The following DNAH8 variants were observed in gnomAD, a reference collection of about 807,000 sequenced individuals.
DNAH8 encodes axonemal beta dynein heavy chain 8.
Under a neutral mutation model 562.1 loss-of-function variants are expected in DNAH8, and 382 were observed. The ratio of observed to expected loss-of-function variants is 0.68; its 90% CI spans 0.63 to 0.74. The LOEUF is 0.74. Ranked by LOEUF, DNAH8 falls within the 30% of genes least tolerant of loss-of-function variation. The probability of loss-of-function intolerance (pLI) is 0.00; values close to 1 mark genes in which losing one functional copy is unlikely to be tolerated. For missense variants in DNAH8, 5,203 were observed against 5,620.4 expected (o/e 0.93, Z 2.37); for synonymous variants, 1,881 against 1,919.4 (o/e 0.98, Z 0.52).
chr6:38,744,800 G>A (rs1187111243), intron 8 of DNAH8, among the ~76,000 whole-genome samples: 1 of 151,926 alleles, frequency 6.6e-6, no homozygotes, highest in African/African-American at 2.4e-5. Flanking sequence ...ATCTTACTGT[G>A]TTGCCCAGGC....
At position 38,729,023 on chromosome 6, in the gene DNAH8, C is replaced by T. The variant is rs147243024; in HGVS notation, c.526-879C>T. 2.5e-3 allele frequency among the ~76,000 whole-genome samples: 384 copies of T among 152,158 alleles called. 15 individuals are homozygous for T. The East Asian group carries it at 0.063, about 25-fold the overall frequency. On this transcript the variant is annotated intron_variant, in intron 3 of 92. Coordinates refer to ENST00000327475, the MANE Select transcript of DNAH8 (RefSeq NM_001206927.2). ...TTCAAGACCAGCCTGGCCAACATGG[C>T]GAAACCCCATCTTTACTAAAAATAC... is the stretch of plus-strand genomic sequence containing the variant.
intron 91 of DNAH8, 140 bp from the exon 92 acceptor site, chr6:39,026,406 C>A: frequency 1.3e-6 from 1 of 769,068 alleles, no homozygotes; most frequent in East Asian, 2.6e-5. Context: ...AAATGTCTCC[C>A]CTGGGGTTTG....
intron 3 of DNAH8, among the ~76,000 whole-genome samples, chr6:38,726,860 T>G (rs1174889669): frequency 2.8e-5 from 4 of 144,170 alleles, no homozygotes; most frequent in South Asian, 2.2e-4. Context: ...AGTTTTTTTT[T>G]TTTTTTTTTT....
chr6:38,722,904 AGGCCCCGCGCCCTCCGACAGT>A lies in DNAH8; in HGVS notation c.98_118del (p.Ala33_Val39del). On this transcript the variant is annotated inframe_deletion, in exon 2 of 93. Coordinates refer to ENST00000327475, the MANE Select transcript of DNAH8 (RefSeq NM_001206927.2). ...GCCCCTCCCCGTTCAGAAGAGGAAG[AGGCCCCGCGCCCTCCGACAGT>A]GGAGGCCCCGGCAGAAGATGGTTTC... 1 of 1,612,366 alleles carries A rather than the reference AGGCCCCGCGCCCTCCGACAGT, an allele frequency of 6.2e-7. No individual in the cohort carries two copies. Among genetic ancestry groups the A allele is most frequent in the South Asian group, 1.1e-5 (1 of 91,028 alleles).
rs762356544 is a variant in DNAH8, at chr6:38,852,726, T to C, written c.5499T>C (p.Asn1833=). 37 of 1,613,678 alleles carry C rather than the reference T, an allele frequency of 2.3e-5. No individual in the cohort carries two copies. The highest frequency in any genetic ancestry group is 3.0e-5 in the Non-Finnish European group (35 of 1,179,810). Residue 1833 remains asparagine (N), a synonymous_variant, in exon 40 of 93, where the codon AAT becomes AAC. Coordinates refer to ENST00000327475, the MANE Select transcript of DNAH8 (RefSeq NM_001206927.2). The part of the protein sequence containing the change: ...PHLPAVSDNI[N]EVTFHAKDYD... ...TCCCTGCAGTATCTGACAACATCAATGAGGTGACATTTCATGCAAAAGACT... is the reference window on the plus strand; with the variant it reads ...TCCCTGCAGTATCTGACAACATCAACGAGGTGACATTTCATGCAAAAGACT...
rs141243933 is a variant in DNAH8, at chr6:38,814,212, T to C, written c.3333+83T>C. On this transcript the variant is annotated intron_variant, in intron 25 of 92. Coordinates refer to ENST00000327475, the MANE Select transcript of DNAH8 (RefSeq NM_001206927.2). Reference sequence around the variant, plus strand: ...GAACTGAGCTTTCATTTAGGTAACATTTTGGTCCTATGTCTTTTTTCACTT... The same window carrying C: ...GAACTGAGCTTTCATTTAGGTAACACTTTGGTCCTATGTCTTTTTTCACTT... 34 of 802,010 alleles carry C rather than the reference T, an allele frequency of 4.2e-5. No homozygotes were observed. The East Asian group carries it at 7.7e-4, about 18-fold the overall frequency. The allele number at this position is 802,010 out of a possible 1,614,324, so 49.7% of individuals were successfully genotyped here. A position where few individuals can be genotyped will look rare whatever the true frequency, so the allele number is the denominator to read the frequency against.
At chr6:38,857,997 A>G (rs1035212801) in intron 42 of DNAH8, among the ~76,000 whole-genome samples, 2 of 152,228 alleles carry the variant, frequency 1.3e-5, no homozygotes, top group African/African-American at 4.8e-5. Context: ...AAACCAAATA[A>G]CCAGGAACAT....
chr6:38,759,055 C>A (rs949719702), intron 10 of DNAH8, among the ~76,000 whole-genome samples: 5 of 152,044 alleles, frequency 3.3e-5, no homozygotes, highest in African/African-American at 4.8e-5. Flanking sequence ...GTAATCCCAG[C>A]GCTTTGGGAG....
intron 88 of DNAH8, among the ~76,000 whole-genome samples, chr6:39,001,914 G>T (rs910747880): frequency 2.6e-5 from 4 of 151,944 alleles, no homozygotes; most frequent in Non-Finnish European, 5.9e-5. Context: ...TCACGGGGAG[G>T]GGATGCTGGA....
chr6:39,017,121 G>A lies in DNAH8; in HGVS notation c.13714+4484G>A, dbSNP rs903047725. On this transcript the variant is annotated intron_variant, in intron 91 of 92. Coordinates refer to ENST00000327475, the MANE Select transcript of DNAH8 (RefSeq NM_001206927.2). ...CAATGTGCAGCTTTTTTCTGTGTGTGGATTTGTCTCCCAGCAGATTACTCA... is the reference window on the plus strand; with the variant it reads ...CAATGTGCAGCTTTTTTCTGTGTGTAGATTTGTCTCCCAGCAGATTACTCA... Among the ~76,000 whole-genome samples, 3 of 152,222 alleles carry A rather than the reference G, an allele frequency of 2.0e-5. No homozygotes were observed. The East Asian group carries it at 5.8e-4, about 29-fold the overall frequency.
intron 7 of DNAH8, among the ~76,000 whole-genome samples, chr6:38,738,286 A>G (rs1764259008): frequency 6.6e-6 from 1 of 152,216 alleles, no homozygotes; most frequent in African/African-American, 2.4e-5. Flanking sequence ...TCTCCATAAA[A>G]GAGAGAGGGA....
intron 8 of DNAH8, among the ~76,000 whole-genome samples, chr6:38,746,931 A>G (rs896450356): frequency 6.6e-6 from 1 of 152,190 alleles, no homozygotes; most frequent in Admixed American, 6.5e-5. Context: ...CTCCATCTCA[A>G]AAAAGAAAAA....
chr6:38,832,239 A>G (rs765387018), intron 30 of DNAH8, 83 bp from the exon 31 acceptor site: 1 of 797,110 alleles, frequency 1.3e-6, no homozygotes, highest in Non-Finnish European at 2.1e-6. Flanking sequence ...TATCTGTGAG[A>G]TACACTTGTT....
At chr6:38,925,918 T>C in intron 73 of DNAH8, 137 bp from the exon 74 acceptor site, 1 of 770,182 alleles carries the variant, frequency 1.3e-6, no homozygotes. Context: ...TTTGCTTTTT[T>C]TCGAAGTACA....
chr6:38,800,444 T>C (rs1583038768), intron 21 of DNAH8, among the ~76,000 whole-genome samples: 1 of 152,064 alleles, frequency 6.6e-6, no homozygotes, highest in Non-Finnish European at 1.5e-5. Flanking sequence ...TCCTGGTGAG[T>C]GTGAAGTGGT....
rs72853766 is a variant in DNAH8 at position 38,958,503 on chromosome 6, A to G, written c.12451+6983A>G. On this transcript the variant is annotated intron_variant, in intron 82 of 92. Coordinates refer to ENST00000327475, the MANE Select transcript of DNAH8 (RefSeq NM_001206927.2). ...TCATTAAAGATTGTTATGAAAAATT[A>G]CATGCCAACAAATTGGAAAACTTAG... Among the ~76,000 whole-genome samples, 1,153 of 151,824 alleles carry G rather than the reference A, an allele frequency of 7.6e-3. 11 individuals are homozygous for G. The highest frequency in any genetic ancestry group is 0.012 in the Non-Finnish European group (810 of 67,918).
At position 38,827,733 on chromosome 6, in the gene DNAH8, CTTTTTTTTTTTTTTTTT is replaced by C. The variant is rs562852660; in HGVS notation, c.4084-429_4084-413del. ...TGCAAAAGCTTAATTCTTTACCAAACTTTTTTTTTTTTTTTTTTTTTTTTTTTTTTTTTTTTTTGGTG... is the reference window on the plus strand; with the variant it reads ...TGCAAAAGCTTAATTCTTTACCAAACTTTTTTTTTTTTTTTTTTTTTGGTG... On this transcript the variant is annotated intron_variant, in intron 29 of 92. Transcript: ENST00000327475. 1.5e-3 allele frequency among the ~76,000 whole-genome samples: 76 copies of C among 52,244 alleles called. 10 individuals carry two copies. The highest frequency in any genetic ancestry group is 3.7e-3 in the African/African-American group (52 of 13,896). The allele number at this position is 52,244 out of a possible 152,430, so 34.3% of individuals were successfully genotyped here.
chr6:38,872,267 C>T (rs1583233815), intron 49 of DNAH8, among the ~76,000 whole-genome samples: 2 of 152,142 alleles, frequency 1.3e-5, no homozygotes, highest in Non-Finnish European at 1.5e-5. Flanking sequence ...GGAATCATCA[C>T]GCAAGAAGCA....
intron 47 of DNAH8, among the ~76,000 whole-genome samples, chr6:38,867,402 A>G (rs928986871): frequency 4.6e-5 from 7 of 152,150 alleles, no homozygotes; most frequent in African/African-American, 1.7e-4. Context: ...CAAGAATGTT[A>G]TGTAAACGGA....
Sources: gnomAD v4.1 joint callset for allele counts (sites outside exome capture counted in the v4.1 genomes callset) on GRCh38, gnomAD v4.1.1 for gene constraint, MANE v1.5 for transcripts, NCBI Gene and HGNC (gene_info 2026-07-23, HGNC 2026-07-21) for gene names.